SPATS2L: variants seen among roughly 807,000 people sequenced by gnomAD.
SPATS2L encodes spermatogenesis associated serine rich 2 like, also known as SPATS2-like protein.
A neutral mutation model predicts 59.6 loss-of-function variants in SPATS2L; 30 were observed. That is an observed-to-expected ratio of 0.50 (90% CI 0.38 to 0.68). The LOEUF (loss-of-function observed/expected upper bound fraction) is 0.68. SPATS2L is among the 30% of genes least tolerant of loss of function. The pLI, the probability that SPATS2L is intolerant of heterozygous loss-of-function variation, is 0.00. For missense variants in SPATS2L, 615 were observed against 700.0 expected, an observed-to-expected ratio of 0.88 and a Z score of 1.37; for synonymous variants, 252 against 263.5, an observed-to-expected ratio of 0.96 and a Z score of 0.42.
At chr2:200,453,157 G>A (rs775010425) in intron 8 of SPATS2L, among the ~76,000 whole-genome samples, 14 of 152,176 alleles carry the variant, frequency 9.2e-5, no homozygotes, top group Non-Finnish European at 1.6e-4. Flanking sequence ...GAAGGAAGAG[G>A]AGCCATGGAC....
chr2:200,315,337 C>T lies in SPATS2L; in HGVS notation c.-73+8415C>T, dbSNP rs142325290. On this transcript the variant is annotated intron_variant, in intron 1 of 12. Coordinates refer to ENST00000409140, the MANE Select transcript of SPATS2L (RefSeq NM_001100423.2). ...TTAAAGCACATCTGTCTCAGCAGGC[C>T]CACCCAGCCATCATCAGAAGTGGGA... 2.0e-5 allele frequency among the ~76,000 whole-genome samples: 3 copies of T among 152,220 alleles called. No individual in the cohort carries two copies. The East Asian group carries it at 5.8e-4, about 29-fold the overall frequency.
intron 12 of SPATS2L, among the ~76,000 whole-genome samples, chr2:200,473,958 C>T (rs919299242): frequency 6.6e-6 from 1 of 151,998 alleles, no homozygotes; most frequent in African/African-American, 2.4e-5. Context: ...CAAGATCGCA[C>T]CACTGCCCTT....
intron 10 of SPATS2L, chr2:200,469,660 C>T: frequency 4.7e-6 from 2 of 425,000 alleles, no homozygotes; most frequent in South Asian, 8.6e-5. Context: ...ATAGATGAGT[C>T]AGACACACAT....
chr2:200,347,852 A>G (rs949332948), intron 2 of SPATS2L, among the ~76,000 whole-genome samples: 2 of 152,238 alleles, frequency 1.3e-5, no homozygotes, highest in Admixed American at 1.3e-4. Context: ...AACGAAGTTG[A>G]AGGCTCAAGG....
intron 6 of SPATS2L, among the ~76,000 whole-genome samples, chr2:200,423,054 G>T (rs2083381169): frequency 6.6e-6 from 1 of 152,166 alleles, no homozygotes; most frequent in Non-Finnish European, 1.5e-5. Flanking sequence ...TCTGGACGAA[G>T]GCATGACCAC....
chr2:200,475,750 G>T (rs6761689), intron 12 of SPATS2L, among the ~76,000 whole-genome samples: 8,036 of 152,206 alleles, frequency 0.053, 321 homozygotes, highest in African/African-American at 0.12. Context: ...GGGTTGGTCT[G>T]CCCTAAACCT....
intron 2 of SPATS2L, among the ~76,000 whole-genome samples, chr2:200,350,752 C>T (rs1242657191): frequency 4.6e-5 from 7 of 152,106 alleles, no homozygotes. Context: ...CCAGGCTGGT[C>T]ATCGGCTCCT....
At chr2:200,397,875 A>G (rs1171323862) in intron 3 of SPATS2L, among the ~76,000 whole-genome samples, 1 of 152,164 alleles carries the variant, frequency 6.6e-6, no homozygotes, top group Non-Finnish European at 1.5e-5. Flanking sequence ...GTCATCCAAG[A>G]GACAGATGCC....
chr2:200,400,138 C>T (rs1198497455), intron 3 of SPATS2L, among the ~76,000 whole-genome samples: 1 of 150,780 alleles, frequency 6.6e-6, no homozygotes, highest in Non-Finnish European at 1.5e-5. Flanking sequence ...AACAAAATGC[C>T]AAAAACAAAA....
At position 200,480,285 on chromosome 2, in the gene SPATS2L, A is replaced by G. The variant is rs1559175579; in HGVS notation, c.*2254A>G. 1 of 152,322 alleles carries G rather than the reference A, an allele frequency of 6.6e-6. No homozygotes were observed. The highest frequency in any genetic ancestry group is 1.5e-5 in the Non-Finnish European group (1 of 68,156). 9.4% of individuals were successfully genotyped at this position (152,322 alleles called of 1,614,324 possible). ...ACTCCCATGTCACTGAAAAGAAACA[A>G]AAGAATGCTAAAAAGTGCTCAGACC... is the stretch of plus-strand genomic sequence containing the variant. On this transcript the variant is annotated 3_prime_UTR_variant, in exon 13 of 13. Transcript: ENST00000409140.
At chr2:200,381,965 G>T (rs928541985) in intron 2 of SPATS2L, among the ~76,000 whole-genome samples, 19 of 152,098 alleles carry the variant, frequency 1.2e-4, no homozygotes, top group Non-Finnish European at 2.2e-4. Flanking sequence ...ATCACAGCTC[G>T]CAAGAAACAA....
At position 200,412,430 on chromosome 2, in the gene SPATS2L, C is replaced by T. The variant is rs1325677481; in HGVS notation, c.148+11C>T. 1 of 1,463,288 alleles carries T rather than the reference C, an allele frequency of 6.8e-7. No individual in the cohort carries two copies. Among genetic ancestry groups the T allele is most frequent in the Non-Finnish European group, 9.4e-7 (1 of 1,064,964 alleles). 90.6% of individuals were successfully genotyped at this position (1,463,288 alleles called of 1,614,324 possible). A position where few individuals can be genotyped will look rare whatever the true frequency, so the allele number is the denominator to read the frequency against. On this transcript the variant is annotated intron_variant, in intron 4 of 12. Transcript: ENST00000409140. ...AAGCCTTTGTGGATGGTAGGTATAC[C>T]TGTACCCTGCAGCTGAAGATGTTAG...
At chr2:200,397,001 G>A (rs2082375761) in intron 3 of SPATS2L, among the ~76,000 whole-genome samples, 1 of 152,242 alleles carries the variant, frequency 6.6e-6, no homozygotes, top group South Asian at 2.1e-4. Flanking sequence ...TTGACAAGGA[G>A]TCTAAAGGAA....
At chr2:200,429,428 C>G (rs572213777) in intron 6 of SPATS2L, among the ~76,000 whole-genome samples, 6 of 152,298 alleles carry the variant, frequency 3.9e-5, no homozygotes, top group Admixed American at 3.9e-4. Flanking sequence ...CTGACCTGAT[C>G]GAAGAAGGTG....
At chr2:200,457,193 T>C (rs1413957579) in intron 8 of SPATS2L, among the ~76,000 whole-genome samples, 1 of 150,142 alleles carries the variant, frequency 6.7e-6, no homozygotes, top group Non-Finnish European at 1.5e-5. Flanking sequence ...TGCCCCTCTC[T>C]AAGAAGGTTG....
intron 8 of SPATS2L, among the ~76,000 whole-genome samples, chr2:200,442,008 C>T (rs563006607): frequency 3.9e-4 from 60 of 152,258 alleles, no homozygotes; most frequent in Admixed American, 1.4e-3. Flanking sequence ...GTGCAGAAGA[C>T]ACTAGGAACT....
At chr2:200,426,082 CTTTTTTTTTTTTTT>C (rs769997762) in intron 6 of SPATS2L, among the ~76,000 whole-genome samples, 2 of 62,326 alleles carry the variant, frequency 3.2e-5, no homozygotes, top group African/African-American at 6.5e-5. Context: ...TAGGTTTTTA[CTTTTTTTTTTTTTT>C]TTTTTTTTTT....
At chr2:200,401,674 A>G (rs1208300256) in intron 3 of SPATS2L, among the ~76,000 whole-genome samples, 1 of 152,046 alleles carries the variant, frequency 6.6e-6, no homozygotes, top group African/African-American at 2.4e-5. Flanking sequence ...ACGGTTCTCA[A>G]TTCTGGATGG....
intron 3 of SPATS2L, among the ~76,000 whole-genome samples, chr2:200,396,760 G>A (rs1006156273): frequency 6.6e-6 from 1 of 152,166 alleles, no homozygotes; most frequent in Non-Finnish European, 1.5e-5. Context: ...AAGCTTTGGG[G>A]AAAAATTTGC....
Sources: gnomAD v4.1 joint callset for allele counts (sites outside exome capture counted in the v4.1 genomes callset) on GRCh38, gnomAD v4.1.1 for gene constraint, MANE v1.5 for transcripts, NCBI Gene and HGNC (gene_info 2026-07-23, HGNC 2026-07-21) for gene names.